LRP1B: variants seen among roughly 807,000 people sequenced by gnomAD.
The protein encoded by LRP1B is low-density lipoprotein receptor-related protein 1B.
LRP1B carries 217 observed loss-of-function variants against 556.6 expected under a neutral mutation model. The ratio of observed to expected loss-of-function variants is 0.39; its 90% confidence interval spans 0.35 to 0.44. The LOEUF (loss-of-function observed/expected upper bound fraction) is 0.44, where lower values mean the gene tolerates loss of function less well. Ranked by LOEUF, LRP1B falls within the 20% of genes least tolerant of loss-of-function variation. LRP1B has a pLI of 1.00. For missense variants in LRP1B, 5,053 were observed against 5,620.8 expected (o/e 0.90, Z 3.23); for synonymous variants, 2,047 against 1,865.8 (o/e 1.10, Z -2.50).
chr2:140,993,981 G>A lies in LRP1B; in HGVS notation c.2644+14C>T, dbSNP rs1697165988. 6.2e-7 allele frequency: 1 copy of A among 1,609,966 alleles called. No individual in the cohort carries two copies. Among genetic ancestry groups the A allele is most frequent in the African/African-American group, 1.3e-5 (1 of 74,640 alleles). On this transcript the variant is annotated intron_variant, in intron 16 of 90. Transcript: ENST00000389484. ...GGAAAATACAATTTTTAGGTGACTT[G>A]GAAGAGAACATACAGCAGTTTACTG...
At chr2:141,238,012 A>T (rs1310278992) in intron 5 of LRP1B, among the ~76,000 whole-genome samples, 2 of 152,226 alleles carry the variant, frequency 1.3e-5, no homozygotes, top group African/African-American at 2.4e-5. Context: ...AAGTACAATG[A>T]AATAAATAAT....
chr2:141,430,619 AT>A (rs58187346), intron 3 of LRP1B, among the ~76,000 whole-genome samples: 69,864 of 151,284 alleles, frequency 0.46, 16,244 homozygotes, highest in East Asian at 0.6. Flanking sequence ...TTCAATTTTT[AT>A]TTTTTTTTAA....
At chr2:141,546,399 C>T (rs763787006) in intron 2 of LRP1B, among the ~76,000 whole-genome samples, 7 of 152,244 alleles carry the variant, frequency 4.6e-5, no homozygotes, top group Admixed American at 1.3e-4. Context: ...ATCCTAAGCA[C>T]AGTGCCTCCC....
intron 1 of LRP1B, among the ~76,000 whole-genome samples, chr2:141,813,672 G>T (rs182411572): frequency 6.6e-6 from 1 of 152,136 alleles, no homozygotes; most frequent in Non-Finnish European, 1.5e-5. Context: ...TTTCACTCCT[G>T]TAGTTCTGCA....
intron 2 of LRP1B, among the ~76,000 whole-genome samples, chr2:141,626,165 T>C (rs572277545): frequency 1.3e-5 from 2 of 152,134 alleles, no homozygotes; most frequent in South Asian, 4.1e-4. Flanking sequence ...TCCACATAAA[T>C]ACAATGAATT....
chr2:142,082,487 CCCTAAGATGACAGTGAGCAG>C, intron 1 of LRP1B, among the ~76,000 whole-genome samples: 1 of 152,304 alleles, frequency 6.6e-6, no homozygotes, highest in African/African-American at 2.4e-5. Context: ...CCAAGTCCAG[CCCTAAGATGACAGTGAGCAG>C]CCACACTGGC....
chr2:141,705,076 T>C (rs2105468535), intron 2 of LRP1B, among the ~76,000 whole-genome samples: 1 of 151,958 alleles, frequency 6.6e-6, no homozygotes, highest in Middle Eastern at 3.4e-3. Flanking sequence ...ACCACCTCAC[T>C]TAATTCTTAT....
intron 36 of LRP1B, 151 bp from the exon 37 acceptor site, chr2:140,716,253 C>T: frequency 1.7e-6 from 1 of 574,672 alleles, no homozygotes. Context: ...AAGCAGAAAG[C>T]TGTAAATAAA....
chr2:141,500,935 T>C (rs1683690247), intron 2 of LRP1B, among the ~76,000 whole-genome samples: 1 of 152,154 alleles, frequency 6.6e-6, no homozygotes, highest in Non-Finnish European at 1.5e-5. Flanking sequence ...CATGTATCCT[T>C]TGATTTTTTT....
At chr2:141,285,576 C>T (rs1685683934) in intron 3 of LRP1B, among the ~76,000 whole-genome samples, 1 of 147,890 alleles carries the variant, frequency 6.8e-6, no homozygotes, top group Non-Finnish European at 1.5e-5. Flanking sequence ...CTGCCTCAGC[C>T]TCCCACGTAG....
At position 141,129,665 on chromosome 2, in the gene LRP1B, A is replaced by G. The variant is rs1013375156; in HGVS notation, c.1013+58756T>C. 3.9e-5 allele frequency among the ~76,000 whole-genome samples: 6 copies of G among 152,208 alleles called. No individual in the cohort carries two copies. In the East Asian group the frequency reaches 1.2e-3, roughly 29 times the overall value. On this transcript the variant is annotated intron_variant, in intron 7 of 90. Coordinates refer to ENST00000389484, the MANE Select transcript of LRP1B (RefSeq NM_018557.3). ...ATAAATCTGTAAAATTACTATATTC[A>G]TTGGTTTCATTTTATATCTAAAAAA...
intron 83 of LRP1B, among the ~76,000 whole-genome samples, chr2:140,305,217 A>T (rs1684014504): frequency 6.6e-6 from 1 of 152,166 alleles, no homozygotes; most frequent in South Asian, 2.1e-4. Context: ...CTTAATGGGG[A>T]TGGCATTAAA....
intron 5 of LRP1B, among the ~76,000 whole-genome samples, chr2:141,236,875 T>C (rs540359913): frequency 6.6e-5 from 10 of 152,230 alleles, no homozygotes; most frequent in Admixed American, 6.5e-4. Flanking sequence ...TTCTCAGAGA[T>C]TTCCCTAAGA....
chr2:141,265,362 T>C (rs1414540057), intron 3 of LRP1B, among the ~76,000 whole-genome samples: 1 of 152,134 alleles, frequency 6.6e-6, no homozygotes, highest in Non-Finnish European at 1.5e-5. Context: ...GCCTGTCTCC[T>C]GGACTGCAGC....
At chr2:141,549,185 G>T (rs1685661356) in intron 2 of LRP1B, among the ~76,000 whole-genome samples, 1 of 152,114 alleles carries the variant, frequency 6.6e-6, no homozygotes, top group South Asian at 2.1e-4. Context: ...TCTATGAATT[G>T]GAAGGTATAA....
intron 51 of LRP1B, among the ~76,000 whole-genome samples, chr2:140,513,926 A>T (rs1599739): frequency 2.6e-5 from 4 of 151,874 alleles, no homozygotes; most frequent in Admixed American, 1.3e-4. Flanking sequence ...CAACCAATAG[A>T]CATCTATAAA....
intron 41 of LRP1B, among the ~76,000 whole-genome samples, chr2:140,668,659 T>A (rs934124560): frequency 6.6e-6 from 1 of 151,732 alleles, no homozygotes; most frequent in Non-Finnish European, 1.5e-5. Context: ...TATATATTCA[T>A]CCAAATTGGT....
intron 1 of LRP1B, among the ~76,000 whole-genome samples, chr2:141,937,659 C>T (rs1276593187): frequency 6.7e-6 from 1 of 150,068 alleles, no homozygotes; most frequent in Non-Finnish European, 1.5e-5. Context: ...CCATGGTGCA[C>T]CTAAATTAAA....
chr2:141,801,195 C>T (rs1401464102), intron 2 of LRP1B, among the ~76,000 whole-genome samples: 4 of 152,208 alleles, frequency 2.6e-5, no homozygotes, highest in South Asian at 4.1e-4. Context: ...CATGTTTGGA[C>T]GTATGCATCT....
Sources: allele counts gnomAD v4.1 joint callset (sites outside exome capture counted in the v4.1 genomes callset), GRCh38; gene constraint gnomAD v4.1.1; transcripts MANE v1.5; gene names NCBI Gene and HGNC (gene_info 2026-07-23, HGNC 2026-07-21).